The following MARCHF10 variants were observed in gnomAD, a reference collection of about 807,000 sequenced individuals.
The protein encoded by MARCHF10 is probable E3 ubiquitin-protein ligase MARCHF10.
Under a neutral mutation model 76.2 loss-of-function variants are expected in MARCHF10, and 64 were observed. The ratio of observed to expected loss-of-function variants is 0.84; its 90% confidence interval spans 0.69 to 1.03. MARCHF10 has a LOEUF of 1.03. Among genes scored for constraint, MARCHF10 ranks in the 50% least tolerant of loss-of-function variants. The probability of loss-of-function intolerance (pLI) is 0.00; values close to 1 mark genes in which losing one functional copy is unlikely to be tolerated. For synonymous variants in MARCHF10, 340 were observed against 357.5 expected (o/e 0.95, Z 0.55); for missense variants, 875 against 958.0 (o/e 0.91, Z 1.14).
Position 62,738,535 on chromosome 17 carries a change from G to A in MARCHF10, c.536-1203C>T, listed in dbSNP as rs2091384246. ...CTTTTTATCATTCCATTTCTAAAGC[G>A]GTTCACCCTGTAGAGTGGACGGGAC... On this transcript the variant is annotated intron_variant, in intron 5 of 10. Coordinates refer to ENST00000311269, the MANE Select transcript of MARCHF10 (RefSeq NM_152598.4). The surrounding 1 kb of genome is among the most constrained non-coding windows in gnomAD (Gnocchi z 4.0). 6.6e-6 allele frequency among the ~76,000 whole-genome samples: 1 copy of A among 152,094 alleles called. No individual in the cohort carries two copies. Among genetic ancestry groups the A allele is most frequent in the African/African-American group, 2.4e-5 (1 of 41,400 alleles).
chr17:62,746,749 G>T (rs961776351), intron 4 of MARCHF10: 6 of 768,432 alleles, frequency 7.8e-6, no homozygotes, highest in Middle Eastern at 3.6e-4. Context: ...CTGAGGATAA[G>T]AATTTCACTT....
Position 62,701,582 on chromosome 17 carries a change from C to G in MARCHF10, c.*121G>C, listed in dbSNP as rs886984551. The G allele has an allele frequency of 6.3e-7, 1 of 1,588,450 alleles. No homozygotes were observed. Among genetic ancestry groups the G allele is most frequent in the African/African-American group, 1.3e-5 (1 of 74,632 alleles). On this transcript the variant is annotated 3_prime_UTR_variant, in exon 11 of 11. Coordinates refer to ENST00000311269, the MANE Select transcript of MARCHF10 (RefSeq NM_152598.4). ...AAAGAGAGTGGCACGAGGTGAAAATCTAACTGTGAACGCTTTGGTTTCAGT... is the reference window on the plus strand; with the variant it reads ...AAAGAGAGTGGCACGAGGTGAAAATGTAACTGTGAACGCTTTGGTTTCAGT...
intron 3 of MARCHF10, among the ~76,000 whole-genome samples, chr17:62,771,876 C>G (rs1197325841): frequency 6.6e-6 from 1 of 152,192 alleles, no homozygotes; most frequent in Non-Finnish European, 1.5e-5. Context: ...CACCCCCAGC[C>G]TGCTTGTCAA....
At chr17:62,755,121 T>C (rs765646533) in intron 4 of MARCHF10, among the ~76,000 whole-genome samples, 6 of 152,216 alleles carry the variant, frequency 3.9e-5, no homozygotes, top group Middle Eastern at 3.2e-3. Context: ...TGACTAACAT[T>C]GCACCCAATA....
At chr17:62,762,083 C>A (rs769921198) in intron 3 of MARCHF10, among the ~76,000 whole-genome samples, 2 of 152,172 alleles carry the variant, frequency 1.3e-5, no homozygotes, top group Non-Finnish European at 2.9e-5. Context: ...CTCATCTTCG[C>A]GGATCCATTT....
chr17:62,727,603 C>T (rs1050308804), intron 6 of MARCHF10, among the ~76,000 whole-genome samples: 1 of 152,160 alleles, frequency 6.6e-6, no homozygotes, highest in Admixed American at 6.5e-5. Context: ...AGGATTAGCT[C>T]AAGATAGCAG....
At chr17:62,771,392 A>G (rs745947430) in intron 3 of MARCHF10, among the ~76,000 whole-genome samples, 2 of 151,786 alleles carry the variant, frequency 1.3e-5, no homozygotes, top group Non-Finnish European at 2.9e-5. Context: ...AAGGTGCTCT[A>G]TCAGGAGGTG....
intron 3 of MARCHF10, among the ~76,000 whole-genome samples, chr17:62,766,039 A>C (rs2092322461): frequency 6.6e-6 from 1 of 150,472 alleles, no homozygotes; most frequent in African/African-American, 2.4e-5. Flanking sequence ...ACAAAAAATA[A>C]AAAAAAATTA....
chr17:62,711,224 G>A lies in MARCHF10; in HGVS notation c.2328+7C>T. On this transcript the variant is annotated splice_region_variant and intron_variant, in intron 9 of 10. Transcript: ENST00000311269. This position sits in a 1 kb window ranked among gnomAD's most constrained non-coding sequence, Gnocchi z 4.4. ...ACCGGACAGCTCTGGGTCACAGCCA[G>A]ACTTACCCTCTCTCTTTCCACCTGG... is the stretch of plus-strand genomic sequence containing the variant. The A allele has an allele frequency of 6.2e-7, 1 of 1,613,142 alleles. No individual in the cohort carries two copies. Among genetic ancestry groups the A allele is most frequent in the Non-Finnish European group, 8.5e-7 (1 of 1,179,156 alleles).
rs143263330 is a variant in MARCHF10, at chr17:62,728,642, G to A, written c.1938-3538C>T. Among the ~76,000 whole-genome samples, 645 of 152,242 alleles carry A rather than the reference G, an allele frequency of 4.2e-3. 3 individuals carry two copies. Among genetic ancestry groups the A allele is most frequent in the African/African-American group, 0.015 (603 of 41,538 alleles). The stretch of plus-strand genomic sequence containing the variant: ...AATATTGGCAGCTGCTATGTAAAAG[G>A]AACAGCAAGAGATAAGGAGGATTTC... On this transcript the variant is annotated intron_variant, in intron 6 of 10. Coordinates refer to ENST00000311269, the MANE Select transcript of MARCHF10 (RefSeq NM_152598.4).
At chr17:62,747,076 T>C in intron 4 of MARCHF10, 3 of 828,150 alleles carry the variant, frequency 3.6e-6, no homozygotes, top group Non-Finnish European at 5.8e-6. Context: ...TCTCTCCAAC[T>C]AGCCTGCACG....
At chr17:62,744,712 G>A (rs1423470487) in intron 4 of MARCHF10, among the ~76,000 whole-genome samples, 184 bp from the exon 5 acceptor site, 1 of 152,116 alleles carries the variant, frequency 6.6e-6, no homozygotes, top group East Asian at 1.9e-4. Context: ...AACCATGTGA[G>A]CTTGGGAAAA....
At chr17:62,745,296 G>A (rs1386242584) in intron 4 of MARCHF10, among the ~76,000 whole-genome samples, 1 of 151,876 alleles carries the variant, frequency 6.6e-6, no homozygotes, top group African/African-American at 2.4e-5. Flanking sequence ...TAGAGACAGG[G>A]TTTCACCATG....
intron 4 of MARCHF10, among the ~76,000 whole-genome samples, chr17:62,755,833 G>T (rs1375857932): frequency 6.6e-6 from 1 of 152,230 alleles, no homozygotes; most frequent in Admixed American, 6.5e-5. Context: ...ACAACTCTGA[G>T]CTGGGTGCTG....
chr17:62,767,561 C>T (rs986806616), intron 3 of MARCHF10, among the ~76,000 whole-genome samples: 1 of 150,094 alleles, frequency 6.7e-6, no homozygotes, highest in African/African-American at 2.4e-5. Context: ...AGTGATTCTC[C>T]TGCCTCAGCC....
intron 8 of MARCHF10, 67 bp downstream of exon 8, chr17:62,722,421 A>T: frequency 1.9e-6 from 2 of 1,067,624 alleles, no homozygotes. Context: ...AGGGAAGGGG[A>T]ATGTCTTCTC....
chr17:62,714,831 C>T (rs944836625), intron 8 of MARCHF10, among the ~76,000 whole-genome samples: 2 of 150,958 alleles, frequency 1.3e-5, no homozygotes, highest in Non-Finnish European at 3.0e-5. Flanking sequence ...CTGCAACCTC[C>T]GCCTCCCAGG....
chr17:62,734,458 C>T (rs72842199), intron 6 of MARCHF10, among the ~76,000 whole-genome samples: 3,293 of 151,954 alleles, frequency 0.022, 71 homozygotes, highest in Non-Finnish European at 0.036. Context: ...CTGAAGTGTA[C>T]GTATGTCATG....
intron 2 of MARCHF10, among the ~76,000 whole-genome samples, chr17:62,800,431 A>G (rs2093052628): frequency 1.3e-5 from 2 of 152,190 alleles, no homozygotes; most frequent in African/African-American, 4.8e-5. Flanking sequence ...TTTATTTTGC[A>G]GAAATGCCCT....
Sources: gnomAD v4.1 joint callset for allele counts (sites outside exome capture counted in the v4.1 genomes callset) on GRCh38, gnomAD v4.1.1 for gene constraint, Gnocchi (gnomAD v3.1) non-coding constraint, MANE v1.5 for transcripts, NCBI Gene and HGNC (gene_info 2026-07-23, HGNC 2026-07-21) for gene names.